KLHL12: variants seen among roughly 807,000 people sequenced by gnomAD.
The protein encoded by KLHL12 is kelch like family member 12, also known as kelch-like protein 12.
In KLHL12, 17 loss-of-function variants were observed where a neutral mutation model predicts 60.8. The observed-to-expected ratio is 0.28, with a 90% CI of 0.19 to 0.42. The LOEUF (loss-of-function observed/expected upper bound fraction) is 0.42, where lower values mean the gene tolerates loss of function less well. Among genes scored for constraint, KLHL12 ranks in the 10% least tolerant of loss-of-function variants. The pLI, the probability that KLHL12 is intolerant of heterozygous loss-of-function variation, is 1.00. For missense variants in KLHL12, 468 were observed against 722.3 expected (o/e 0.65, Z 4.04); for synonymous variants, 220 against 250.9 (o/e 0.88, Z 1.16).
At chr1:202,926,128 C>G (rs537027814) in intron 1 of KLHL12, among the ~76,000 whole-genome samples, 1 of 145,296 alleles carries the variant, frequency 6.9e-6, no homozygotes, top group African/African-American at 2.5e-5. Context: ...AAAAAAGAAA[C>G]TTCAATTGAG....
chr1:202,918,858 T>C (rs1312946732), intron 3 of KLHL12, among the ~76,000 whole-genome samples: 1 of 152,246 alleles, frequency 6.6e-6, no homozygotes, highest in Non-Finnish European at 1.5e-5. Context: ...GGCTATGCAC[T>C]AATGCAAAAG....
intron 4 of KLHL12, chr1:202,915,086 T>C (rs1660484402): frequency 6.6e-6 from 1 of 151,954 alleles, no homozygotes. Context: ...CAGAGAAAAA[T>C]AGATTTTCTC....
intron 4 of KLHL12, chr1:202,912,349 A>G: frequency 1.3e-6 from 1 of 791,234 alleles, no homozygotes; most frequent in Non-Finnish European, 2.2e-6. Context: ...GAAGTTAGGA[A>G]AGCCCTGTCA....
At chr1:202,911,310 C>T (rs1402274486) in intron 4 of KLHL12, 107 bp from the exon 5 acceptor site, 4 of 1,204,076 alleles carry the variant, frequency 3.3e-6, no homozygotes, top group Non-Finnish European at 4.7e-6. Context: ...TTGCCCACCA[C>T]CATTATTTCC....
intron 6 of KLHL12, among the ~76,000 whole-genome samples, chr1:202,903,560 G>A (rs899975590): frequency 2.0e-5 from 3 of 146,464 alleles, no homozygotes; most frequent in African/African-American, 7.6e-5. Context: ...CGACCTCCTG[G>A]GCTCAAGCAT....
rs756641797 is a variant in KLHL12, at chr1:202,918,271, A to T, written c.467T>A (p.Val156Asp). 8 of 1,614,074 alleles carry T rather than the reference A, an allele frequency of 5.0e-6. No individual in the cohort carries two copies. The highest frequency in any genetic ancestry group is 5.1e-6 in the Non-Finnish European group (6 of 1,179,990). Reference sequence around the variant, plus strand: ...TTCAGGAAAATGCTTCTGGCTAAAAACCTCAGCTGCTTGCATCAGGTCAAC... The same window carrying T: ...TTCAGGAAAATGCTTCTGGCTAAAATCCTCAGCTGCTTGCATCAGGTCAAC... The part of the protein sequence containing the change: ...NCVDLMQAAE[V>D]FSQKHFPEVV... The change falls in exon 4 of 12, where the codon GTT (valine) becomes GAT (aspartate). Residue 156 changes from valine (V) to aspartate (D), a missense_variant. Transcript: ENST00000367261.
intron 2 of KLHL12, among the ~76,000 whole-genome samples, 193 bp from the exon 3 acceptor site, chr1:202,920,101 G>C (rs1202751727): frequency 6.6e-6 from 1 of 152,026 alleles, no homozygotes; most frequent in African/African-American, 2.4e-5. Context: ...ATCACCTGAG[G>C]TCAGGAATTC....
At chr1:202,928,428 A>T, upstream of KLHL12, 1 of 1,108,214 alleles carries the variant, frequency 9.0e-7, no homozygotes, top group Non-Finnish European at 1.2e-6. Flanking sequence ...GCAGGCAGAG[A>T]GAATTCCAAC....
At chr1:202,912,104 G>A in intron 4 of KLHL12, 3 of 821,810 alleles carry the variant, frequency 3.7e-6, no homozygotes, top group Non-Finnish European at 4.2e-6. Flanking sequence ...GATTCTCAAA[G>A]ACCAGGTGCT....
intron 6 of KLHL12, 94 bp from the exon 7 acceptor site, chr1:202,897,054 G>T: frequency 1.1e-6 from 1 of 946,686 alleles, no homozygotes; most frequent in Non-Finnish European, 1.7e-6. Flanking sequence ...GTTCTAGGAT[G>T]TCTTGTTTTA....
rs376286456 is a variant in KLHL12 at position 202,895,586 on chromosome 1, C to G, written c.1071G>C (p.Gly357=). 3.0e-5 allele frequency: 48 copies of G among 1,613,988 alleles called. No homozygotes were observed. The highest frequency in any genetic ancestry group is 3.8e-5 in the Non-Finnish European group (45 of 1,180,010). ...TCATAGGGGCCACAGAATACCAGAC[C>G]CCATCCTCATCTGCTGTGTAGTCTA... ...ECLDYTADED[G]VWYSVAPMNV... Residue 357 remains glycine, a synonymous_variant, in exon 8 of 12, where the codon GGG becomes GGC. Transcript: ENST00000367261. This position sits in a 1 kb window ranked among gnomAD's most constrained non-coding sequence, Gnocchi z 4.2.
At chr1:202,914,398 C>A (rs1482160393) in intron 4 of KLHL12, among the ~76,000 whole-genome samples, 2 of 152,120 alleles carry the variant, frequency 1.3e-5, no homozygotes, top group Non-Finnish European at 2.9e-5. Flanking sequence ...GGATAAGATG[C>A]AGGGGAGGGT....
intron 4 of KLHL12, among the ~76,000 whole-genome samples, chr1:202,915,531 G>A (rs964332157): frequency 3.9e-5 from 6 of 152,082 alleles, no homozygotes; most frequent in African/African-American, 1.2e-4. Flanking sequence ...TTCTAAATAA[G>A]GTTAGTTATT....
chr1:202,926,545 G>A (rs1045363831), intron 1 of KLHL12, among the ~76,000 whole-genome samples: 9 of 152,146 alleles, frequency 5.9e-5, no homozygotes, highest in African/African-American at 2.2e-4. Context: ...GCAACTCTAG[G>A]GGTGTAAAAA....
intron 4 of KLHL12, chr1:202,912,051 G>T (rs1257283484): frequency 2.9e-5 from 23 of 786,650 alleles, no homozygotes; most frequent in Non-Finnish European, 4.8e-5. Flanking sequence ...CACACAAGGT[G>T]GATGGAAGAG....
chr1:202,920,665 C>T (rs1157163208), intron 2 of KLHL12, among the ~76,000 whole-genome samples: 1 of 152,024 alleles, frequency 6.6e-6, no homozygotes, highest in Non-Finnish European at 1.5e-5. Flanking sequence ...CGTGAGCCAC[C>T]GCGCCCGGCC....
At position 202,892,387 on chromosome 1, in the gene KLHL12, T is replaced by C. The variant is rs573465418; in HGVS notation, c.*146A>G. 2.1e-4 allele frequency: 173 copies of C among 804,900 alleles called. No homozygotes were observed. The African/African-American group carries it at 2.7e-3, about 13-fold the overall frequency. The allele number at this position is 804,900 out of a possible 1,614,324, so 49.9% of individuals were successfully genotyped here. ...GAACCAGGACGACGGGGAGTATGTG[T>C]CAAATAAGTACAATCATCACTGCAC... is the stretch of plus-strand genomic sequence containing the variant. On this transcript the variant is annotated 3_prime_UTR_variant, in exon 12 of 12. Transcript: ENST00000367261.
chr1:202,910,957 G>A, intron 5 of KLHL12, 97 bp downstream of exon 5: 1 of 1,356,510 alleles, frequency 7.4e-7, no homozygotes, highest in Non-Finnish European at 1.0e-6. Flanking sequence ...CAAAACAGGA[G>A]ACTCTGTGCC....
chr1:202,914,864 T>TAAAAAAAAAAAAAAAAAAAACAAA (rs547996937), intron 4 of KLHL12: 1 of 109,870 alleles, frequency 9.1e-6, no homozygotes. Context: ...AAACTCCGTC[T>TAAAAAAAAAAAAAAAAAAAACAAA]AAAAAAAAAA....
Sources: allele counts gnomAD v4.1 joint callset (sites outside exome capture counted in the v4.1 genomes callset), GRCh38; gene constraint gnomAD v4.1.1; non-coding constraint Gnocchi (gnomAD v3.1); transcripts MANE v1.5; gene names NCBI Gene and HGNC (gene_info 2026-07-23, HGNC 2026-07-21).